NR5A2: variants seen among roughly 807,000 people sequenced by gnomAD.
The protein encoded by NR5A2 is nuclear receptor subfamily 5 group A member 2.
Under a neutral mutation model 62.7 loss-of-function variants are expected in NR5A2, and 26 were observed. The ratio of observed to expected loss-of-function variants is 0.41; its 90% confidence interval spans 0.30 to 0.58. The LOEUF (loss-of-function observed/expected upper bound fraction) is 0.58, where lower values mean the gene tolerates loss of function less well. Ranked by LOEUF, NR5A2 falls within the 20% of genes least tolerant of loss-of-function variation. The pLI is 0.22. For synonymous variants in NR5A2, 246 were observed against 241.7 expected (o/e 1.02, Z -0.16); for missense variants, 541 against 669.1 (o/e 0.81, Z 2.11).
At chr1:200,165,262 C>A (rs918764683) in intron 7 of NR5A2, among the ~76,000 whole-genome samples, 2 of 151,126 alleles carry the variant, frequency 1.3e-5, no homozygotes, top group Non-Finnish European at 1.5e-5. Flanking sequence ...TGTCAGCATT[C>A]CCCTACCAGC....
intron 7 of NR5A2, among the ~76,000 whole-genome samples, chr1:200,137,092 C>T (rs992374937): frequency 1.3e-5 from 2 of 152,012 alleles, no homozygotes; most frequent in Non-Finnish European, 2.9e-5. Context: ...GCCTCAGCCA[C>T]CCAAAGTGCT....
At chr1:200,057,084 C>G (rs1189360688) in intron 5 of NR5A2, among the ~76,000 whole-genome samples, 1 of 152,164 alleles carries the variant, frequency 6.6e-6, no homozygotes, top group Non-Finnish European at 1.5e-5. Context: ...TCTAATTACA[C>G]AAAAGAAAAC....
intron 5 of NR5A2, among the ~76,000 whole-genome samples, chr1:200,108,185 C>T (rs1303686694): frequency 6.6e-6 from 1 of 151,798 alleles, no homozygotes; most frequent in Non-Finnish European, 1.5e-5. Flanking sequence ...CCTCAACCTC[C>T]TGGGTTCAAG....
intron 7 of NR5A2, among the ~76,000 whole-genome samples, chr1:200,128,715 G>C (rs1177695224): frequency 1.3e-5 from 2 of 152,120 alleles, no homozygotes; most frequent in African/African-American, 4.8e-5. Flanking sequence ...GGGGTGGTGG[G>C]CAGGCAGAGA....
intron 5 of NR5A2, among the ~76,000 whole-genome samples, chr1:200,095,316 T>C (rs1665035489): frequency 6.6e-6 from 1 of 151,944 alleles, no homozygotes; most frequent in Non-Finnish European, 1.5e-5. Context: ...AGCAATGAGA[T>C]GCCCAGAGTC....
Position 200,111,263 on chromosome 1 carries a change from T to G in NR5A2, c.1172T>G (p.Ile391Ser). ...AGTGAGCTCTTAATCCTCGACCACA[T>G]TTACCGACAAGTGGTACATGGAAAG... ...CWSELLILDHIYRQVVHGKEG... is the reference protein window; with the variant it reads ...CWSELLILDHSYRQVVHGKEG... Residue 391 changes from isoleucine to serine, a missense_variant, in exon 6 of 8, where the codon ATT becomes AGT. Around this residue, in one of 3 missense-constraint regions of NR5A2, gnomAD observed 379 missense variants for 442.0 expected, o/e 0.86. Coordinates refer to ENST00000367362, the MANE Select transcript of NR5A2 (RefSeq NM_205860.3). 1 of 1,613,656 alleles carries G rather than the reference T, an allele frequency of 6.2e-7. No homozygotes were observed. Among genetic ancestry groups the G allele is most frequent in the South Asian group, 1.1e-5 (1 of 91,046 alleles).
intron 5 of NR5A2, among the ~76,000 whole-genome samples, chr1:200,082,157 A>G (rs1197803370): frequency 6.6e-6 from 1 of 152,208 alleles, no homozygotes; most frequent in Admixed American, 6.5e-5. Context: ...TATCTATTTG[A>G]CAGGCAACTG....
At chr1:200,151,460 T>C (rs1653111445) in intron 7 of NR5A2, among the ~76,000 whole-genome samples, 1 of 152,340 alleles carries the variant, frequency 6.6e-6, no homozygotes, top group African/African-American at 2.4e-5. Flanking sequence ...GAGCTTTCAT[T>C]ACTGTGTACA....
At chr1:200,072,668 T>G (rs1457054836) in intron 5 of NR5A2, among the ~76,000 whole-genome samples, 2 of 152,204 alleles carry the variant, frequency 1.3e-5, no homozygotes, top group South Asian at 2.1e-4. Flanking sequence ...ATGAACACTT[T>G]TAATTACTAA....
At chr1:200,085,709 A>C (rs1263249715) in intron 5 of NR5A2, among the ~76,000 whole-genome samples, 2 of 151,876 alleles carry the variant, frequency 1.3e-5, no homozygotes, top group African/African-American at 4.8e-5. Context: ...CTCTACCCTT[A>C]AAGAGGGGGA....
intron 5 of NR5A2, among the ~76,000 whole-genome samples, chr1:200,066,318 C>G (rs1323008060): frequency 6.6e-6 from 1 of 152,088 alleles, no homozygotes; most frequent in Non-Finnish European, 1.5e-5. Context: ...TGGCTTAAGC[C>G]TTTGGGAGCC....
At chr1:200,055,427 C>G (rs1558109635) in intron 5 of NR5A2, among the ~76,000 whole-genome samples, 1 of 152,128 alleles carries the variant, frequency 6.6e-6, no homozygotes, top group Non-Finnish European at 1.5e-5. Context: ...AACTCCTGAC[C>G]TCAGGTGATC....
intron 7 of NR5A2, among the ~76,000 whole-genome samples, chr1:200,153,184 C>T (rs1653216034): frequency 6.6e-6 from 1 of 152,208 alleles, no homozygotes; most frequent in Non-Finnish European, 1.5e-5. Flanking sequence ...GTTGTCCTTA[C>T]AAGAAATGGA....
chr1:200,166,779 T>G (rs1182194793), intron 7 of NR5A2, among the ~76,000 whole-genome samples: 1 of 152,208 alleles, frequency 6.6e-6, no homozygotes, highest in Non-Finnish European at 1.5e-5. Flanking sequence ...CTAGATGAGC[T>G]TCTCAACCCC....
chr1:200,170,619 CCTGT>C (rs1654130112), intron 7 of NR5A2, among the ~76,000 whole-genome samples: 1 of 152,174 alleles, frequency 6.6e-6, no homozygotes, highest in Non-Finnish European at 1.5e-5. Context: ...CCAGGGTCTA[CCTGT>C]CTGTCAGGTC....
At chr1:200,067,864 T>C (rs565900947) in intron 5 of NR5A2, among the ~76,000 whole-genome samples, 2 of 152,346 alleles carry the variant, frequency 1.3e-5, no homozygotes, top group South Asian at 4.1e-4. Context: ...AGAGAAATAA[T>C]GGCTGAGAAC....
At chr1:200,043,183 T>A (rs1662199639) in intron 2 of NR5A2, among the ~76,000 whole-genome samples, 1 of 152,236 alleles carries the variant, frequency 6.6e-6, no homozygotes, top group Non-Finnish European at 1.5e-5. Flanking sequence ...AATACGGAAC[T>A]GAATGTTTCG....
chr1:200,111,457 G>T, intron 6 of NR5A2, 136 bp downstream of exon 6: 1 of 925,824 alleles, frequency 1.1e-6, no homozygotes, highest in Non-Finnish European at 1.6e-6. Context: ...TAGAAAAGAT[G>T]ACTTGGTGCA....
At chr1:200,173,404 C>T (rs7556640) in intron 7 of NR5A2, among the ~76,000 whole-genome samples, 3,932 of 152,262 alleles carry the variant, frequency 0.026, 179 homozygotes, top group African/African-American at 0.09. Flanking sequence ...ATTCTGTTGG[C>T]AGTCACTGGA....
Sources: gnomAD v4.1 joint callset for allele counts (sites outside exome capture counted in the v4.1 genomes callset) on GRCh38, gnomAD v4.1.1 for gene constraint, gnomAD v4.1.1 regional missense constraint, MANE v1.5 for transcripts, NCBI Gene and HGNC (gene_info 2026-07-23, HGNC 2026-07-21) for gene names.